Variants in ZZEF1 observed in about 807,000 individuals in gnomAD.
ZZEF1 encodes the protein zinc finger ZZ-type and EF-hand domain-containing protein 1.
A neutral mutation model predicts 342.8 loss-of-function variants in ZZEF1; 157 were observed. That is an observed-to-expected ratio of 0.46 (90% confidence interval 0.40 to 0.52). The LOEUF is 0.52. ZZEF1 is among the 20% of genes least tolerant of loss of function. ZZEF1 has a pLI of 0.00. For synonymous variants in ZZEF1, 1,505 were observed against 1,429.1 expected, an observed-to-expected ratio of 1.05 and a Z score of -1.20; for missense variants, 3,480 against 3,725.6, an observed-to-expected ratio of 0.93 and a Z score of 1.72.
At chr17:4,026,867 C>G (rs2056418139) in intron 42 of ZZEF1, among the ~76,000 whole-genome samples, 1 of 152,000 alleles carries the variant, frequency 6.6e-6, no homozygotes. Context: ...AGATAAAACT[C>G]AGCTTAGAAT....
At position 4,070,734 on chromosome 17, in the gene ZZEF1, G is replaced by A; in HGVS notation, c.4025C>T (p.Ala1342Val). The A allele has an allele frequency of 6.2e-7, 1 of 1,614,134 alleles. No homozygotes were observed. The highest frequency in any genetic ancestry group is 8.5e-7 in the Non-Finnish European group (1 of 1,180,036). ...TIDQAVNATF[A>V]ALVYRTPDLY... is the part of the protein sequence containing the mutation. ...ATCTGGAGTGCGATACACCAGAGCAGCAAAGGTGGCGTTCACAGCTTGATC... is the reference window on the plus strand; with the variant it reads ...ATCTGGAGTGCGATACACCAGAGCAACAAAGGTGGCGTTCACAGCTTGATC... The change falls in exon 26 of 55, where the codon GCT (alanine) becomes GTT (valine). Residue 1342 changes from alanine to valine, a missense_variant. Transcript: ENST00000381638.
chr17:4,086,756 C>T lies in ZZEF1; in HGVS notation c.2343-101G>A, dbSNP rs1313386960. ...AAAGGACTTTCCTCTAGGCATCAGG[C>T]TCGATGAAAATAATGCCAACTGATG... On this transcript the variant is annotated intron_variant, in intron 14 of 54. Coordinates refer to ENST00000381638, the MANE Select transcript of ZZEF1 (RefSeq NM_015113.4). The T allele has an allele frequency of 1.3e-5, 16 of 1,208,208 alleles. No homozygotes were observed. The East Asian group carries it at 3.1e-4, about 24-fold the overall frequency. The allele number at this position is 1,208,208 out of a possible 1,614,324, so 74.8% of individuals were successfully genotyped here.
chr17:4,133,126 C>T (rs995653119), intron 1 of ZZEF1, among the ~76,000 whole-genome samples: 1 of 152,172 alleles, frequency 6.6e-6, no homozygotes, highest in East Asian at 1.9e-4. Context: ...ATTTGTAAGA[C>T]TCAAGGTCTG....
At chr17:4,071,836 G>A (rs1225212287) in intron 25 of ZZEF1, among the ~76,000 whole-genome samples, 1 of 152,108 alleles carries the variant, frequency 6.6e-6, no homozygotes, top group Non-Finnish European at 1.5e-5. Context: ...ACCAGACCTG[G>A]AGACTGATAT....
At chr17:4,104,610 C>A in intron 8 of ZZEF1, 23 bp downstream of exon 8, 1 of 1,611,420 alleles carries the variant, frequency 6.2e-7, no homozygotes, top group Non-Finnish European at 8.5e-7. Flanking sequence ...ATTTCTATCA[C>A]CCCCATGTTT....
At chr17:4,009,264 C>G (rs748320463) in intron 53 of ZZEF1, 91 of 558,900 alleles carry the variant, frequency 1.6e-4, no homozygotes, top group Non-Finnish European at 2.9e-4. Context: ...CTCCCACATT[C>G]AATCAGTCTA....
chr17:4,082,271 C>T (rs2057737826), intron 17 of ZZEF1, among the ~76,000 whole-genome samples, 166 bp downstream of exon 17: 1 of 152,130 alleles, frequency 6.6e-6, no homozygotes, highest in African/African-American at 2.4e-5. Context: ...GGGCTGTCAA[C>T]AAGATTATTA....
In ZZEF1 at chr17:4,017,174, C is replaced by T. The variant is rs977786395; in HGVS notation, c.8001+197G>A. 1.2e-5 allele frequency: 8 copies of T among 677,604 alleles called. No individual in the cohort carries two copies. The highest frequency in any genetic ancestry group is 4.2e-4 in the Middle Eastern group (1 of 2,364). The allele number at this position is 677,604 out of a possible 1,614,324, so 42.0% of individuals were successfully genotyped here. A position where few individuals can be genotyped will look rare whatever the true frequency, so the allele number is the denominator to read the frequency against. On this transcript the variant is annotated intron_variant, in intron 48 of 54. Transcript: ENST00000381638. The surrounding 1 kb of genome is among the most constrained non-coding windows in gnomAD (Gnocchi z 5.1). ...AGCTTTCTGGTTCAGCTGGAAATCG[C>T]GCTCAGGGCCCCTGAGTTCCTCACT...
chr17:4,107,399 T>C (rs1173429854), intron 6 of ZZEF1, among the ~76,000 whole-genome samples: 1 of 151,722 alleles, frequency 6.6e-6, no homozygotes, highest in East Asian at 1.9e-4. Flanking sequence ...GTCTGGGGAG[T>C]AAGGGGGAGT....
intron 34 of ZZEF1, among the ~76,000 whole-genome samples, chr17:4,052,446 G>T (rs2057069704): frequency 6.6e-6 from 1 of 152,192 alleles, no homozygotes; most frequent in Non-Finnish European, 1.5e-5. Flanking sequence ...CACTAACAAA[G>T]AGTAAGCTTC....
intron 52 of ZZEF1, among the ~76,000 whole-genome samples, chr17:4,011,981 T>C (rs1202926514): frequency 2.0e-5 from 3 of 152,174 alleles, no homozygotes. Flanking sequence ...GGAGCACGCA[T>C]GAAAGAGGCT....
chr17:4,120,818 G>A (rs2058470861), intron 2 of ZZEF1, among the ~76,000 whole-genome samples: 1 of 152,156 alleles, frequency 6.6e-6, no homozygotes, highest in African/African-American at 2.4e-5. Context: ...GATGGAAAAA[G>A]TGTTTTCATA....
At chr17:4,137,380 G>A (rs2145617581) in intron 1 of ZZEF1, among the ~76,000 whole-genome samples, 1 of 152,304 alleles carries the variant, frequency 6.6e-6, no homozygotes, top group African/African-American at 2.4e-5. Context: ...GGAGGCCGAG[G>A]TGGGCGGATC....
At chr17:4,110,774 G>C (rs2058283174) in intron 5 of ZZEF1, among the ~76,000 whole-genome samples, 1 of 150,670 alleles carries the variant, frequency 6.6e-6, no homozygotes, top group Admixed American at 6.6e-5. Flanking sequence ...GAGTGCAGTG[G>C]CACAATCTCA....
chr17:4,025,472 A>G (rs1421921138), intron 42 of ZZEF1, among the ~76,000 whole-genome samples: 2 of 152,184 alleles, frequency 1.3e-5, no homozygotes, highest in African/African-American at 2.4e-5. Context: ...GGATCACTTG[A>G]GGTCAGGAGT....
intron 15 of ZZEF1, 56 bp from the exon 16 acceptor site, chr17:4,085,859 A>C: frequency 1.2e-6 from 2 of 1,600,370 alleles, no homozygotes; most frequent in Non-Finnish European, 1.7e-6. Context: ...TCGCTTATAC[A>C]TCTGCTATAA....
chr17:4,034,433 G>T, intron 39 of ZZEF1, 141 bp from the exon 40 acceptor site: 1 of 764,222 alleles, frequency 1.3e-6, no homozygotes, highest in Non-Finnish European at 2.1e-6. Context: ...AATGCCATAT[G>T]TATAATCACT....
intron 11 of ZZEF1, among the ~76,000 whole-genome samples, chr17:4,095,504 T>A (rs971364081): frequency 2.0e-5 from 3 of 152,024 alleles, no homozygotes; most frequent in Admixed American, 2.0e-4. Flanking sequence ...AAAGCAGGAA[T>A]GGGAGAAGGG....
In ZZEF1 at chr17:4,066,501, C is replaced by A; in HGVS notation, c.4195G>T (p.Glu1399Ter). Residue 1399 changes from glutamate to a stop codon, truncating the protein, a stop_gained, in exon 28 of 55, where the codon GAA becomes TAA. Transcript: ENST00000381638. LOFTEE classifies it high-confidence loss of function. ...KQKSLMSLGNEAEEKHSSEAT... is the reference protein window; with the variant it reads ...KQKSLMSLGN Reference sequence around the variant, plus strand: ...TCTGAACTATGTTTTTCTTCTGCTTCATTCCCCAGGCTCATCAGGGACTTC... The same window carrying A: ...TCTGAACTATGTTTTTCTTCTGCTTAATTCCCCAGGCTCATCAGGGACTTC... 6.2e-7 allele frequency: 1 copy of A among 1,614,150 alleles called. No individual in the cohort carries two copies. Among genetic ancestry groups the A allele is most frequent in the Non-Finnish European group, 8.5e-7 (1 of 1,180,022 alleles).
Sources: allele counts gnomAD v4.1 joint callset (sites outside exome capture counted in the v4.1 genomes callset), GRCh38; gene constraint gnomAD v4.1.1; non-coding constraint Gnocchi (gnomAD v3.1); transcripts MANE v1.5; gene names NCBI Gene and HGNC (gene_info 2026-07-23, HGNC 2026-07-21).